The following SYT1 variants were observed in gnomAD, a reference collection of about 807,000 sequenced individuals.
The protein encoded by SYT1 is synaptotagmin 1, also known as synaptotagmin-1.
SYT1 carries 8 observed loss-of-function variants against 44.8 expected under a neutral mutation model. That is an observed-to-expected ratio of 0.18 (90% CI 0.10 to 0.32). SYT1 has a LOEUF of 0.32. Among genes scored for constraint, SYT1 ranks in the 10% least tolerant of loss-of-function variants. The pLI, the probability that SYT1 is intolerant of heterozygous loss-of-function variation, is 1.00. For missense variants in SYT1, 286 were observed against 509.3 expected, an observed-to-expected ratio of 0.56 and a Z score of 4.22; for synonymous variants, 154 against 188.8, an observed-to-expected ratio of 0.82 and a Z score of 1.51.
chr12:79,223,937 T>A (rs917611003), intron 4 of SYT1, among the ~76,000 whole-genome samples: 2 of 152,212 alleles, frequency 1.3e-5, no homozygotes, highest in African/African-American at 2.4e-5. Context: ...TTTCTGCACC[T>A]GTGCTGCCTG....
intron 2 of SYT1, among the ~76,000 whole-genome samples, chr12:79,021,687 T>C (rs7968671): frequency 0.074 from 11,220 of 151,866 alleles, 517 homozygotes; most frequent in East Asian, 0.15. Context: ...CAAATGTTGA[T>C]TTGCACCAAA....
At position 79,033,470 on chromosome 12, in the gene SYT1, G is replaced by A. The variant is rs75638605; in HGVS notation, c.-83-13827G>A. ...TAAATCATTGATTTAGAATTTCATA[G>A]GATTGCATTTATGCTCATTTTAACA... is the stretch of plus-strand genomic sequence containing the variant. On this transcript the variant is annotated intron_variant, in intron 2 of 10. Coordinates refer to ENST00000261205, the MANE Select transcript of SYT1 (RefSeq NM_005639.3). 9.2e-4 allele frequency among the ~76,000 whole-genome samples: 139 copies of A among 151,384 alleles called. 1 individual carries two copies. Among genetic ancestry groups the A allele is most frequent in the African/African-American group, 3.2e-3 (132 of 41,416 alleles).
Position 78,947,206 on chromosome 12 carries a change from C to A in SYT1, c.-216-30593C>A, listed in dbSNP as rs376476859. Among the ~76,000 whole-genome samples the A allele has an allele frequency of 1.1e-4, 16 of 152,252 alleles. 1 individual carries two copies. The highest frequency in any genetic ancestry group is 5.8e-4 in the East Asian group (3 of 5,182). ...GTTCTCACAGAAATGTGAATGATGT[C>A]CCTCATGTATTGCTTATTTCTTGAG... is the stretch of plus-strand genomic sequence containing the variant. On this transcript the variant is annotated intron_variant, in intron 1 of 10. Coordinates refer to ENST00000261205, the MANE Select transcript of SYT1 (RefSeq NM_005639.3).
intron 1 of SYT1, among the ~76,000 whole-genome samples, chr12:78,921,655 C>T (rs1592562662): frequency 6.6e-6 from 1 of 152,002 alleles, no homozygotes; most frequent in African/African-American, 2.4e-5. Context: ...CAGGCTTCTT[C>T]CCATTGGTAT....
At position 79,072,857 on chromosome 12, in the gene SYT1, TTCCAAGTC is replaced by T. The variant is rs567932931; in HGVS notation, c.-18+25498_-18+25505del. Among the ~76,000 whole-genome samples the T allele has an allele frequency of 3.6e-3, 547 of 152,260 alleles. 5 individuals carry two copies. The highest frequency in any genetic ancestry group is 5.7e-3 in the Non-Finnish European group (387 of 68,018). ...TGGGAACACAGCAATGAACACAATG[TTCCAAGTC>T]TCTGCCCTCAAATAGGTTAACCTCA... On this transcript the variant is annotated intron_variant, in intron 3 of 10. Transcript: ENST00000261205.
chr12:79,122,236 C>T (rs1868280767), intron 3 of SYT1, among the ~76,000 whole-genome samples: 2 of 152,002 alleles, frequency 1.3e-5, no homozygotes, highest in Admixed American at 6.6e-5. Context: ...TATTTCAGGC[C>T]GGGCGCGGTG....
intron 4 of SYT1, among the ~76,000 whole-genome samples, chr12:79,258,949 T>A (rs1877682992): frequency 6.6e-6 from 1 of 152,150 alleles, no homozygotes; most frequent in Admixed American, 6.5e-5. Context: ...AATGTTTGTG[T>A]GGAGATGGGG....
rs1486152193 is a variant in SYT1 at position 79,253,518 on chromosome 12, TCTCTC to T, written c.167-32268_167-32264del. Reference sequence around the variant, plus strand: ...CTCTCTCTCTCTCTCTCTCTCTCTCTCTCTCTCACCTCAGAAAGCTTCCCAATTCT... The same window carrying T: ...CTCTCTCTCTCTCTCTCTCTCTCTCTTCACCTCAGAAAGCTTCCCAATTCT... On this transcript the variant is annotated intron_variant, in intron 4 of 10. Coordinates refer to ENST00000261205, the MANE Select transcript of SYT1 (RefSeq NM_005639.3). 2.0e-4 allele frequency among the ~76,000 whole-genome samples: 30 copies of T among 150,152 alleles called. 1 individual carries two copies. The highest frequency in any genetic ancestry group is 3.0e-4 in the Non-Finnish European group (20 of 67,386).
Position 79,341,786 on chromosome 12 carries a change from A to G in SYT1, c.811-11716A>G, listed in dbSNP as rs553481620. ...CAGGTTCACACCATTCTCCTGCCTC[A>G]GCCTCCCAAGTAGCTGGGACTATAG... On this transcript the variant is annotated intron_variant, in intron 8 of 10. Coordinates refer to ENST00000261205, the MANE Select transcript of SYT1 (RefSeq NM_005639.3). Among the ~76,000 whole-genome samples the G allele has an allele frequency of 1.1e-4, 16 of 145,326 alleles. No individual in the cohort carries two copies. The South Asian group carries it at 3.5e-3, about 32-fold the overall frequency.
chr12:79,418,873 G>A lies in SYT1; in HGVS notation c.929-25200G>A, dbSNP rs565096851. Reference sequence around the variant, plus strand: ...CTGTATGCACGTTAGAATCACCTGGGAAGTGATATTTGTAAAATATGAACA... The same window carrying A: ...CTGTATGCACGTTAGAATCACCTGGAAAGTGATATTTGTAAAATATGAACA... On this transcript the variant is annotated intron_variant, in intron 9 of 10. Coordinates refer to ENST00000261205, the MANE Select transcript of SYT1 (RefSeq NM_005639.3). 1.2e-4 allele frequency among the ~76,000 whole-genome samples: 18 copies of A among 152,238 alleles called. 1 individual carries two copies. In the East Asian group the frequency reaches 2.3e-3, roughly 20 times the overall value.
chr12:79,078,820 T>C (rs1876839545), intron 3 of SYT1, among the ~76,000 whole-genome samples: 1 of 152,146 alleles, frequency 6.6e-6, no homozygotes, highest in Non-Finnish European at 1.5e-5. Context: ...ACGGGAGCGT[T>C]ATTTCCTGGT....
chr12:79,206,363 A>T (rs1040847205), intron 3 of SYT1, among the ~76,000 whole-genome samples: 2 of 152,172 alleles, frequency 1.3e-5, no homozygotes, highest in Non-Finnish European at 2.9e-5. Context: ...CCAGATGCAG[A>T]TCCCTTCTTT....
chr12:79,179,459 C>G (rs974893132), intron 3 of SYT1, among the ~76,000 whole-genome samples: 7 of 60,604 alleles, frequency 1.2e-4, no homozygotes, highest in African/African-American at 1.8e-4. Context: ...TAGATATAAT[C>G]TATATAGATA....
At chr12:79,229,600 T>A (rs1229610910) in intron 4 of SYT1, among the ~76,000 whole-genome samples, 1 of 69,210 alleles carries the variant, frequency 1.4e-5, no homozygotes, top group African/African-American at 7.6e-5. Flanking sequence ...TTTTTTATTT[T>A]TTTATTTTTT....
chr12:79,431,512 TA>T (rs1460931146), intron 9 of SYT1, among the ~76,000 whole-genome samples: 16 of 49,366 alleles, frequency 3.2e-4, no homozygotes, highest in South Asian at 1.3e-3. Context: ...TATTTTATTT[TA>T]TTATTTATTT....
intron 9 of SYT1, among the ~76,000 whole-genome samples, chr12:79,413,877 A>G (rs189883304): frequency 7.2e-5 from 11 of 152,340 alleles, no homozygotes; most frequent in Non-Finnish European, 8.8e-5. Flanking sequence ...TAACAGCAAA[A>G]TCAAAAATTA....
intron 1 of SYT1, among the ~76,000 whole-genome samples, chr12:78,973,928 AAAAAAAAAAAATATATATATATATATAT>A (rs1868577498): frequency 2.5e-5 from 1 of 40,728 alleles, no homozygotes; most frequent in African/African-American, 1.1e-4. Flanking sequence ...AAAAAAAAAA[AAAAAAAAAAAATATATATATATATATAT>A]ATATATATAT....
intron 3 of SYT1, among the ~76,000 whole-genome samples, chr12:79,070,349 G>A (rs990443169): frequency 6.6e-6 from 1 of 152,004 alleles, no homozygotes; most frequent in Non-Finnish European, 1.5e-5. Flanking sequence ...AGAAATTAAT[G>A]GCTAATTAAT....
chr12:79,061,601 G>A (rs1875392787), intron 3 of SYT1, among the ~76,000 whole-genome samples: 1 of 152,098 alleles, frequency 6.6e-6, no homozygotes, highest in Non-Finnish European at 1.5e-5. Flanking sequence ...ATACTGGAAT[G>A]GATGGGCATT....
Sources: allele counts gnomAD v4.1 joint callset (sites outside exome capture counted in the v4.1 genomes callset), GRCh38; gene constraint gnomAD v4.1.1; transcripts MANE v1.5; gene names NCBI Gene and HGNC (gene_info 2026-07-23, HGNC 2026-07-21).